PPP4R3B: variants seen among roughly 807,000 people sequenced by gnomAD.
PPP4R3B encodes protein phosphatase 4 regulatory subunit 3B.
PPP4R3B carries 52 observed loss-of-function variants against 95.4 expected under a neutral mutation model. The ratio of observed to expected loss-of-function variants is 0.54; its 90% CI spans 0.44 to 0.69. The LOEUF (loss-of-function observed/expected upper bound fraction) is 0.69. PPP4R3B is among the 30% of genes least tolerant of loss of function. The pLI is 0.00. For synonymous variants in PPP4R3B, 407 were observed against 343.9 expected (o/e 1.18, Z -2.03); for missense variants, 1,003 against 1,005.9 (o/e 1.00, Z 0.04).
intron 6 of PPP4R3B, among the ~76,000 whole-genome samples, chr2:55,585,760 G>A (rs1690052402): frequency 6.6e-6 from 1 of 152,164 alleles, no homozygotes. Context: ...AGGTGATTCT[G>A]AAAACACTCC....
chr2:55,586,491 C>T (rs1287186886), intron 6 of PPP4R3B, 127 bp downstream of exon 6: 7 of 542,180 alleles, frequency 1.3e-5, no homozygotes, highest in East Asian at 3.2e-5. Context: ...TGAAGATATT[C>T]TTGTAATTCA....
intron 13 of PPP4R3B, chr2:55,565,592 T>C (rs1240856994): frequency 6.6e-6 from 1 of 152,096 alleles, no homozygotes; most frequent in Non-Finnish European, 1.5e-5. Flanking sequence ...AATAAATACA[T>C]GTACCAAATA....
At chr2:55,607,839 G>T (rs540880006) in intron 2 of PPP4R3B, among the ~76,000 whole-genome samples, 1 of 152,256 alleles carries the variant, frequency 6.6e-6, no homozygotes, top group Admixed American at 6.5e-5. Flanking sequence ...CAGGTCAATG[G>T]ATATTACTAA....
intron 5 of PPP4R3B, among the ~76,000 whole-genome samples, chr2:55,587,797 C>T (rs1000986369): frequency 5.3e-5 from 8 of 152,114 alleles, no homozygotes; most frequent in Non-Finnish European, 1.0e-4. Flanking sequence ...AAATGTACAT[C>T]AAAACTTCTC....
chr2:55,584,973 A>T, intron 7 of PPP4R3B, 78 bp downstream of exon 7: 1 of 1,059,306 alleles, frequency 9.4e-7, no homozygotes. Flanking sequence ...AGATTATGTT[A>T]TGTTTTTTCT....
intron 2 of PPP4R3B, among the ~76,000 whole-genome samples, chr2:55,608,404 C>T (rs953727252): frequency 3.9e-5 from 6 of 152,182 alleles, no homozygotes; most frequent in Admixed American, 3.9e-4. Context: ...TGAGGACTGA[C>T]CCTGGGAAAC....
In PPP4R3B at chr2:55,548,156, C is replaced by G. The variant is rs1025411803; in HGVS notation, c.*1755G>C. 6.6e-6 allele frequency: 1 copy of G among 152,222 alleles called. No homozygotes were observed. Among genetic ancestry groups the G allele is most frequent in the African/African-American group, 2.4e-5 (1 of 41,410 alleles). The allele number at this position is 152,222 out of a possible 1,614,324, so 9.4% of individuals were successfully genotyped here. ...GTGAGAAAAGCTCCATACTGTGATG[C>G]TATGATTTCCCCAAGGCTTACCTTC... On this transcript the variant is annotated 3_prime_UTR_variant, in exon 17 of 17. Transcript: ENST00000616407.
At position 55,558,703 on chromosome 2, in the gene PPP4R3B, T is replaced by C. The variant is rs369658180; in HGVS notation, c.2454+72A>G. 2,213 of 1,225,336 alleles carry C rather than the reference T, an allele frequency of 1.8e-3. 46 individuals are homozygous for C. In the South Asian group the frequency reaches 0.037, roughly 20 times the overall value. The allele number at this position is 1,225,336 out of a possible 1,614,324, so 75.9% of individuals were successfully genotyped here. A position where few individuals can be genotyped will look rare whatever the true frequency, so the allele number is the denominator to read the frequency against. On this transcript the variant is annotated intron_variant, in intron 16 of 16. Transcript: ENST00000616407. ...TTGAAATTGTTTTGATTATCCAAAT[T>C]TTTTTCAGTAAACATGAAAAAATCT...
At chr2:55,587,727 A>G (rs185011237) in intron 5 of PPP4R3B, among the ~76,000 whole-genome samples, 3 of 152,290 alleles carry the variant, frequency 2.0e-5, no homozygotes, top group Admixed American at 2.0e-4. Flanking sequence ...CCATCCTACA[A>G]CTCAACTCTA....
intron 16 of PPP4R3B, among the ~76,000 whole-genome samples, chr2:55,558,111 A>G (rs936666309): frequency 6.6e-6 from 1 of 152,164 alleles, no homozygotes. Flanking sequence ...GCACTGGCAA[A>G]GCTGCAATTG....
At chr2:55,577,215 C>T in intron 11 of PPP4R3B, 100 bp downstream of exon 11, 2 of 1,394,258 alleles carry the variant, frequency 1.4e-6, no homozygotes, top group Non-Finnish European at 9.4e-7. Flanking sequence ...TGTTTTTATG[C>T]CAAAATATGC....
intron 15 of PPP4R3B, among the ~76,000 whole-genome samples, chr2:55,562,224 C>G (rs537707482): frequency 1.3e-5 from 2 of 152,064 alleles, no homozygotes; most frequent in Non-Finnish European, 2.9e-5. Flanking sequence ...GAGTTCAAGA[C>G]CAGCCTGGCC....
chr2:55,599,428 ACT>A (rs1408393626), intron 3 of PPP4R3B, among the ~76,000 whole-genome samples: 1 of 152,148 alleles, frequency 6.6e-6, no homozygotes, highest in Non-Finnish European at 1.5e-5. Context: ...ACAAAGCAAG[ACT>A]CTGTCTCAAA....
chr2:55,598,404 CT>C lies in PPP4R3B; in HGVS notation c.921+11del. 13 of 1,609,904 alleles carry C rather than the reference CT, an allele frequency of 8.1e-6. No homozygotes were observed. The highest frequency in any genetic ancestry group is 1.1e-5 in the Non-Finnish European group (13 of 1,178,284). ...TGAAAAATGGAATCGTGAAGAGTAT[CT>C]TTTTACTTACCTGCAACATGCTGAC... On this transcript the variant is annotated intron_variant, in intron 4 of 16. Transcript: ENST00000616407.
At chr2:55,608,158 C>T (rs1044571490) in intron 2 of PPP4R3B, among the ~76,000 whole-genome samples, 1 of 152,122 alleles carries the variant, frequency 6.6e-6, no homozygotes, top group Admixed American at 6.5e-5. Flanking sequence ...GCGTGTGCCA[C>T]CACACCGGAT....
intron 4 of PPP4R3B, chr2:55,591,687 T>C (rs1347388897): frequency 1.0e-6 from 1 of 980,342 alleles, no homozygotes; most frequent in East Asian, 1.1e-4. Flanking sequence ...TGTGAGCTGA[T>C]AAGTAGAACT....
chr2:55,594,238 T>C (rs1691448593), intron 4 of PPP4R3B, among the ~76,000 whole-genome samples: 1 of 148,020 alleles, frequency 6.8e-6, no homozygotes, highest in Admixed American at 6.9e-5. Context: ...AGAAGCCCAA[T>C]CTCCACCATT....
chr2:55,556,143 G>C (rs558686218), intron 16 of PPP4R3B, among the ~76,000 whole-genome samples: 1 of 152,206 alleles, frequency 6.6e-6, no homozygotes, highest in Non-Finnish European at 1.5e-5. Context: ...GGCATGGTTT[G>C]TTAAGAAGGT....
rs1684867552 is a variant in PPP4R3B at position 55,547,742 on chromosome 2, T to TTC, written c.*2168_*2169insGA. On this transcript the variant is annotated 3_prime_UTR_variant, in exon 17 of 17. Transcript: ENST00000616407. ...TTTAAGACCAGCCTGGCCAAGATGG[T>TTC]GAAACCCCGTCTCTACTGAAAATAC... The TTC allele has an allele frequency of 6.6e-6, 1 of 152,256 alleles. No homozygotes were observed. Among genetic ancestry groups the TTC allele is most frequent in the Admixed American group, 6.5e-5 (1 of 15,290 alleles). 9.4% of individuals were successfully genotyped at this position (152,256 alleles called of 1,614,324 possible).
Sources: gnomAD v4.1 joint callset for allele counts (sites outside exome capture counted in the v4.1 genomes callset) on GRCh38, gnomAD v4.1.1 for gene constraint, MANE v1.5 for transcripts, NCBI Gene and HGNC (gene_info 2026-07-23, HGNC 2026-07-21) for gene names.